The following SRD5A2 variants were observed in gnomAD, a reference collection of about 807,000 sequenced individuals.
The protein encoded by SRD5A2 is 3-oxo-5-alpha-steroid 4-dehydrogenase 2.
In SRD5A2, 30 loss-of-function variants were observed where a neutral mutation model predicts 27.4. The ratio of observed to expected loss-of-function variants is 1.10; its 90% CI spans 0.82 to 1.49. The LOEUF (loss-of-function observed/expected upper bound fraction) is 1.49, where lower values mean the gene tolerates loss of function less well. SRD5A2 is among the 40% of genes most tolerant of loss of function. The probability of loss-of-function intolerance (pLI) is 0.00; values close to 1 mark genes in which losing one functional copy is unlikely to be tolerated. For synonymous variants in SRD5A2, 141 were observed against 133.6 expected (o/e 1.06, Z -0.38); for missense variants, 348 against 323.4 (o/e 1.08, Z -0.58).
At chr2:31,611,997 G>A in the SRD5A2 span, among the ~76,000 whole-genome samples, 1 of 152,102 alleles carries the variant, frequency 6.6e-6, no homozygotes, top group East Asian at 1.9e-4. Context: ...GGATAAACTG[G>A]CTGAGTGTGG....
the SRD5A2 span, among the ~76,000 whole-genome samples, chr2:31,600,854 A>G: frequency 6.6e-6 from 1 of 151,948 alleles, no homozygotes; most frequent in African/African-American, 2.4e-5. Context: ...TTAAAATAGC[A>G]TTCATTATGA....
At chr2:31,598,140 C>A in the SRD5A2 span, among the ~76,000 whole-genome samples, 2 of 151,970 alleles carry the variant, frequency 1.3e-5, no homozygotes, top group Non-Finnish European at 1.5e-5. Context: ...AAAATAATGG[C>A]ATTCACAGCA....
chr2:31,531,579 A>AAATGAAGGGAAGGGCATTTAATT, intron 2 of SRD5A2, 107 bp from the exon 3 acceptor site: 6 of 743,390 alleles, frequency 8.1e-6, no homozygotes, highest in Middle Eastern at 3.5e-4. Context: ...TAATTTCTAA[A>AAATGAAGGGAAGGGCATTTAATT]TCTAAGAATG....
At chr2:31,597,858 T>C in the SRD5A2 span, among the ~76,000 whole-genome samples, 1 of 152,166 alleles carries the variant, frequency 6.6e-6, no homozygotes, top group Non-Finnish European at 1.5e-5. Flanking sequence ...CTGGTGGGAA[T>C]GTAAACTAGT....
At chr2:31,574,585 A>G (rs539062022) in intron 1 of SRD5A2, among the ~76,000 whole-genome samples, 23 of 152,346 alleles carry the variant, frequency 1.5e-4, no homozygotes, top group African/African-American at 5.1e-4. Flanking sequence ...TTATGATGTC[A>G]TTCCATTTAG....
the SRD5A2 span, among the ~76,000 whole-genome samples, chr2:31,603,244 T>C: frequency 6.6e-6 from 1 of 151,778 alleles, no homozygotes; most frequent in South Asian, 2.1e-4. Context: ...GCAAAGGACA[T>C]GAACAGACAC....
intron 1 of SRD5A2, among the ~76,000 whole-genome samples, chr2:31,573,580 A>T (rs1666895369): frequency 6.6e-6 from 1 of 152,188 alleles, no homozygotes; most frequent in Non-Finnish European, 1.5e-5. Flanking sequence ...ATCTAGTAAC[A>T]AAAAATATTT....
At chr2:31,574,461 T>C (rs1572656280) in intron 1 of SRD5A2, among the ~76,000 whole-genome samples, 1 of 152,204 alleles carries the variant, frequency 6.6e-6, no homozygotes, top group Admixed American at 6.5e-5. Flanking sequence ...TAAATTAGAT[T>C]TTAAATGGAC....
chr2:31,528,555 G>T (rs1665830454), intron 4 of SRD5A2, among the ~76,000 whole-genome samples: 1 of 152,120 alleles, frequency 6.6e-6, no homozygotes, highest in African/African-American at 2.4e-5. Context: ...ATCACTTGAG[G>T]TCAGGAGTTC....
At chr2:31,648,001 A>C in the SRD5A2 span, among the ~76,000 whole-genome samples, 2 of 152,162 alleles carry the variant, frequency 1.3e-5, no homozygotes, top group Non-Finnish European at 2.9e-5. Flanking sequence ...TCCTAGAAGG[A>C]GAATTGTTGA....
At chr2:31,609,349 C>A in the SRD5A2 span, among the ~76,000 whole-genome samples, 1 of 151,854 alleles carries the variant, frequency 6.6e-6, no homozygotes, top group South Asian at 2.1e-4. Flanking sequence ...ACTCACATTA[C>A]CCAATTATAA....
chr2:31,597,669 A>C, the SRD5A2 span, among the ~76,000 whole-genome samples: 2 of 152,124 alleles, frequency 1.3e-5, no homozygotes, highest in African/African-American at 4.8e-5. Context: ...TTCAAAAGAA[A>C]ATACACAAAT....
chr2:31,614,531 T>C, the SRD5A2 span, among the ~76,000 whole-genome samples: 1 of 152,192 alleles, frequency 6.6e-6, no homozygotes, highest in Admixed American at 6.5e-5. Flanking sequence ...AAGCTGTCAG[T>C]GGATCTACCA....
chr2:31,538,669 TG>T (rs1385509911), intron 1 of SRD5A2, among the ~76,000 whole-genome samples: 4 of 152,236 alleles, frequency 2.6e-5, no homozygotes, highest in African/African-American at 9.6e-5. Flanking sequence ...CTACCACTTT[TG>T]TCTTTGTCCA....
chr2:31,630,552 A>T, the SRD5A2 span, among the ~76,000 whole-genome samples: 2 of 152,202 alleles, frequency 1.3e-5, no homozygotes, highest in African/African-American at 4.8e-5. Flanking sequence ...CCTTCCTATC[A>T]AAAATCCTTA....
the SRD5A2 span, among the ~76,000 whole-genome samples, chr2:31,629,787 G>A: frequency 9.2e-5 from 14 of 152,218 alleles, no homozygotes; most frequent in Admixed American, 2.6e-4. Context: ...CCTGGGTTCC[G>A]ACCATGACTT....
the SRD5A2 span, among the ~76,000 whole-genome samples, chr2:31,614,644 A>G: frequency 6.6e-6 from 1 of 152,202 alleles, no homozygotes; most frequent in Admixed American, 6.5e-5. Context: ...TCCCTTCCAC[A>G]CTGCCCTAGC....
At chr2:31,594,551 A>G in the SRD5A2 span, among the ~76,000 whole-genome samples, 3 of 152,176 alleles carry the variant, frequency 2.0e-5, no homozygotes, top group Non-Finnish European at 4.4e-5. Context: ...CAAATTTATA[A>G]AACAATTACT....
the SRD5A2 span, among the ~76,000 whole-genome samples, chr2:31,614,137 T>C: frequency 6.6e-6 from 1 of 152,164 alleles, no homozygotes; most frequent in African/African-American, 2.4e-5. Context: ...AACTCAAAAG[T>C]CCACAGTCCA....
Sources: allele counts gnomAD v4.1 joint callset (sites outside exome capture counted in the v4.1 genomes callset), GRCh38; gene constraint gnomAD v4.1.1; transcripts MANE v1.5; gene names NCBI Gene and HGNC (gene_info 2026-07-23, HGNC 2026-07-21).